CADPS: variants seen among roughly 807,000 people sequenced by gnomAD.
The protein encoded by CADPS is calcium dependent secretion activator.
In CADPS, 57 loss-of-function variants were observed where a neutral mutation model predicts 167.3. That is an observed-to-expected ratio of 0.34 (90% CI 0.28 to 0.42). CADPS has a LOEUF of 0.42. Ranked by LOEUF, CADPS falls within the 20% of genes least tolerant of loss-of-function variation. The pLI is 1.00. For synonymous variants in CADPS, 676 were observed against 635.3 expected (o/e 1.06, Z -0.96); for missense variants, 1,414 against 1,738.1 (o/e 0.81, Z 3.32).
Position 62,798,860 on chromosome 3 carries a change from GA to G in CADPS, c.442-32877del, listed in dbSNP as rs569052968. 1.8e-4 allele frequency among the ~76,000 whole-genome samples: 27 copies of G among 152,236 alleles called. No individual in the cohort carries two copies. In the South Asian group the frequency reaches 5.6e-3, roughly 32 times the overall value. ...CTCACATATAGGAGACATTCATTAA[GA>G]AATTGTTGAGTAAAGAATGAATGAC... On this transcript the variant is annotated intron_variant, in intron 1 of 29. Coordinates refer to ENST00000383710, the MANE Select transcript of CADPS (RefSeq NM_003716.4).
At chr3:62,748,836 T>C (rs2082094927) in intron 3 of CADPS, among the ~76,000 whole-genome samples, 1 of 152,090 alleles carries the variant, frequency 6.6e-6, no homozygotes, top group Non-Finnish European at 1.5e-5. Context: ...GCCTCCTGAG[T>C]AGCTGGGACT....
intron 6 of CADPS, among the ~76,000 whole-genome samples, chr3:62,633,173 T>C (rs2065626002): frequency 6.6e-6 from 1 of 152,130 alleles, no homozygotes; most frequent in Non-Finnish European, 1.5e-5. Flanking sequence ...GAGCGGACAA[T>C]GGGAATGAAA....
chr3:62,756,416 T>A (rs1186804917), intron 2 of CADPS, among the ~76,000 whole-genome samples: 1 of 152,176 alleles, frequency 6.6e-6, no homozygotes, highest in Non-Finnish European at 1.5e-5. Flanking sequence ...ACAATAAGGT[T>A]TGGGGCTATC....
At position 62,420,019 on chromosome 3, in the gene CADPS, G is replaced by A. The variant is rs1007930418; in HGVS notation, c.3778-16834C>T. On this transcript the variant is annotated intron_variant, in intron 28 of 29. Transcript: ENST00000383710. The surrounding 1 kb of genome is among the most constrained non-coding windows in gnomAD (Gnocchi z 4.1). The stretch of plus-strand genomic sequence containing the variant: ...ATTGACTTTAGGGAGTTGCTTTCCC[G>A]GGCTGAGGTGGTTTTCATCATTACT... Among the ~76,000 whole-genome samples the A allele has an allele frequency of 5.9e-5, 9 of 151,994 alleles. No homozygotes were observed. Among genetic ancestry groups the A allele is most frequent in the Non-Finnish European group, 1.2e-4 (8 of 68,000 alleles).
intron 1 of CADPS, among the ~76,000 whole-genome samples, chr3:62,867,957 C>A (rs1450867339): frequency 2.6e-5 from 4 of 151,954 alleles, no homozygotes; most frequent in Non-Finnish European, 2.9e-5. Context: ...AGAAAGCAAA[C>A]CCAGGCATTC....
chr3:62,805,658 C>T (rs2094046173), intron 1 of CADPS, among the ~76,000 whole-genome samples: 1 of 152,152 alleles, frequency 6.6e-6, no homozygotes, highest in Non-Finnish European at 1.5e-5. Context: ...TGCCTAATCT[C>T]ATTTTACTTC....
chr3:62,626,832 G>A (rs1005472658), intron 6 of CADPS, among the ~76,000 whole-genome samples: 1 of 152,084 alleles, frequency 6.6e-6, no homozygotes, highest in African/African-American at 2.4e-5. Flanking sequence ...ACAAATAATA[G>A]TATCAATGAT....
intron 13 of CADPS, among the ~76,000 whole-genome samples, chr3:62,531,407 G>C (rs1313619450): frequency 6.6e-6 from 1 of 152,054 alleles, no homozygotes; most frequent in African/African-American, 2.4e-5. Flanking sequence ...CATAACAATG[G>C]GAGGTGATGA....
At chr3:62,594,275 C>T (rs2148862628) in intron 6 of CADPS, among the ~76,000 whole-genome samples, 1 of 150,140 alleles carries the variant, frequency 6.7e-6, no homozygotes, top group African/African-American at 2.4e-5. Flanking sequence ...CATTCTCCTG[C>T]CTCAGCCTCC....
At chr3:62,856,966 A>G (rs926392884) in intron 1 of CADPS, among the ~76,000 whole-genome samples, 1 of 151,528 alleles carries the variant, frequency 6.6e-6, no homozygotes, top group African/African-American at 2.4e-5. Flanking sequence ...CAGGAATTAT[A>G]AAGAGGAAAA....
chr3:62,601,852 G>T lies in CADPS; in HGVS notation c.1326-9104C>A, dbSNP rs1349614224. On this transcript the variant is annotated intron_variant, in intron 6 of 29. Transcript: ENST00000383710. This position sits in a 1 kb window ranked among gnomAD's most constrained non-coding sequence, Gnocchi z 4.3. ...ACTTTGAAAGTGAACACTTTGATCT[G>T]GGGGAGAAAATGAGGGAGAAGAATA... Among the ~76,000 whole-genome samples the T allele has an allele frequency of 6.6e-6, 1 of 152,118 alleles. No individual in the cohort carries two copies. The highest frequency in any genetic ancestry group is 1.5e-5 in the Non-Finnish European group (1 of 68,034).
intron 3 of CADPS, among the ~76,000 whole-genome samples, chr3:62,724,102 C>T (rs1327095101): frequency 6.6e-6 from 1 of 152,206 alleles, no homozygotes; most frequent in Non-Finnish European, 1.5e-5. Context: ...GAAGAATGCT[C>T]AGGAGCTCCT....
Position 62,628,006 on chromosome 3 carries a change from T to C in CADPS, c.1325+17716A>G, listed in dbSNP as rs550771865. Among the ~76,000 whole-genome samples, 13 of 152,332 alleles carry C rather than the reference T, an allele frequency of 8.5e-5. No homozygotes were observed. In the South Asian group the frequency reaches 1.0e-3, roughly 12 times the overall value. On this transcript the variant is annotated intron_variant, in intron 6 of 29. Transcript: ENST00000383710. ...GAAATTTTAGCAGGTGAAATTTTCA[T>C]AGTAGTCATATCTAAACACCTAGCT...
intron 8 of CADPS, among the ~76,000 whole-genome samples, chr3:62,583,440 A>C (rs1438653899): frequency 6.6e-6 from 1 of 152,184 alleles, no homozygotes; most frequent in Non-Finnish European, 1.5e-5. Context: ...GGTAGACCTC[A>C]GCAATGTTTC....
chr3:62,573,806 C>T (rs776953725), intron 8 of CADPS, among the ~76,000 whole-genome samples: 2 of 152,130 alleles, frequency 1.3e-5, no homozygotes, highest in Non-Finnish European at 2.9e-5. Context: ...ATTTATTGTT[C>T]CTACTGAACT....
At chr3:62,678,948 G>C (rs2076723104) in intron 3 of CADPS, among the ~76,000 whole-genome samples, 1 of 151,988 alleles carries the variant, frequency 6.6e-6, no homozygotes, top group Non-Finnish European at 1.5e-5. Flanking sequence ...AGAGGCGAGG[G>C]ACTGGTTAGA....
In CADPS at chr3:62,495,337, A is replaced by C. The variant is rs529038082; in HGVS notation, c.2707-1672T>G. On this transcript the variant is annotated intron_variant, in intron 18 of 29. Coordinates refer to ENST00000383710, the MANE Select transcript of CADPS (RefSeq NM_003716.4). Reference sequence around the variant, plus strand: ...AAATGATTCTAGCAAGGGCAGTAACAACCAGAAAGCAAAAGTGTAATTCCA... The same window carrying C: ...AAATGATTCTAGCAAGGGCAGTAACCACCAGAAAGCAAAAGTGTAATTCCA... Among the ~76,000 whole-genome samples the C allele has an allele frequency of 2.6e-5, 4 of 152,342 alleles. No homozygotes were observed. The South Asian group carries it at 8.3e-4, about 32-fold the overall frequency.
intron 3 of CADPS, among the ~76,000 whole-genome samples, chr3:62,693,039 CAT>C (rs1253216134): frequency 7.9e-5 from 1 of 12,702 alleles, no homozygotes; most frequent in Non-Finnish European, 1.3e-4. Context: ...ATTTCTTGGC[CAT>C]CAAGTTTTTC....
At chr3:62,717,247 A>T (rs1347324911) in intron 3 of CADPS, among the ~76,000 whole-genome samples, 1 of 152,198 alleles carries the variant, frequency 6.6e-6, no homozygotes, top group Non-Finnish European at 1.5e-5. Flanking sequence ...ACAGAATCAC[A>T]TGCTGTTGTA....
Sources: allele counts gnomAD v4.1 joint callset (sites outside exome capture counted in the v4.1 genomes callset), GRCh38; gene constraint gnomAD v4.1.1; non-coding constraint Gnocchi (gnomAD v3.1); transcripts MANE v1.5; gene names NCBI Gene and HGNC (gene_info 2026-07-23, HGNC 2026-07-21).